The following LRBA variants were observed in gnomAD, a reference collection of about 807,000 sequenced individuals.
LRBA encodes the protein LPS responsive beige-like anchor protein, also known as lipopolysaccharide-responsive and beige-like anchor protein.
Under a neutral mutation model 330.0 loss-of-function variants are expected in LRBA, and 176 were observed. That is an observed-to-expected ratio of 0.53 (90% CI 0.47 to 0.60). LRBA has a LOEUF of 0.60. Ranked by LOEUF, LRBA falls within the 20% of genes least tolerant of loss-of-function variation. The pLI is 0.00. For synonymous variants in LRBA, 1,230 were observed against 1,193.0 expected (o/e 1.03, Z -0.64); for missense variants, 3,259 against 3,444.8 (o/e 0.95, Z 1.35).
intron 37 of LRBA, among the ~76,000 whole-genome samples, chr4:150,669,223 TAA>T (rs1234148836): frequency 1.3e-5 from 2 of 152,224 alleles, no homozygotes; most frequent in African/African-American, 2.4e-5. Context: ...GACAATTTTA[TAA>T]GTTACAAATA....
chr4:150,910,469 C>G (rs1012480556), intron 9 of LRBA, among the ~76,000 whole-genome samples: 2 of 152,136 alleles, frequency 1.3e-5, no homozygotes, highest in African/African-American at 4.8e-5. Context: ...TGTCAAAGAT[C>G]ATTTGACCGT....
At chr4:150,414,521 C>A (rs1197796863) in intron 47 of LRBA, among the ~76,000 whole-genome samples, 1 of 151,962 alleles carries the variant, frequency 6.6e-6, no homozygotes, top group Non-Finnish European at 1.5e-5. Context: ...GACAGAGTTT[C>A]ACTGTGTCAC....
At chr4:150,992,715 C>A (rs1742231773) in intron 2 of LRBA, among the ~76,000 whole-genome samples, 1 of 152,040 alleles carries the variant, frequency 6.6e-6, no homozygotes, top group Non-Finnish European at 1.5e-5. Context: ...GAAATTTCTG[C>A]AAAGAACAAG....
chr4:150,744,426 G>A (rs1732420369), intron 35 of LRBA, among the ~76,000 whole-genome samples: 1 of 152,016 alleles, frequency 6.6e-6, no homozygotes, highest in Non-Finnish European at 1.5e-5. Context: ...AATAAGTCTT[G>A]TCAATATTTC....
At chr4:150,444,331 T>A (rs1283055593) in intron 44 of LRBA, among the ~76,000 whole-genome samples, 1 of 152,128 alleles carries the variant, frequency 6.6e-6, no homozygotes, top group Non-Finnish European at 1.5e-5. Context: ...TGATTCCCAG[T>A]GTCTCCATCA....
chr4:150,964,157 G>A (rs550002392), intron 2 of LRBA, among the ~76,000 whole-genome samples: 10 of 148,452 alleles, frequency 6.7e-5, no homozygotes, highest in South Asian at 2.1e-4. Context: ...CAGCTGCCCC[G>A]TCTGGGAGGT....
intron 37 of LRBA, among the ~76,000 whole-genome samples, chr4:150,678,455 A>G (rs1247030871): frequency 6.6e-6 from 1 of 152,160 alleles, no homozygotes; most frequent in Non-Finnish European, 1.5e-5. Flanking sequence ...CTTACTAGAA[A>G]AATGAGCATA....
At chr4:150,779,627 C>T (rs1311908175) in intron 34 of LRBA, among the ~76,000 whole-genome samples, 1 of 151,796 alleles carries the variant, frequency 6.6e-6, no homozygotes, top group Non-Finnish European at 1.5e-5. Context: ...CTTTTTAACT[C>T]GAGAGAAAAT....
At chr4:150,903,177 T>A (rs1460427986) in intron 13 of LRBA, among the ~76,000 whole-genome samples, 1 of 152,016 alleles carries the variant, frequency 6.6e-6, no homozygotes, top group African/African-American at 2.4e-5. Flanking sequence ...AGGCCGGAAG[T>A]TCGAGACCAG....
At chr4:150,270,069 T>C (rs546803409) in intron 56 of LRBA, among the ~76,000 whole-genome samples, 4 of 152,276 alleles carry the variant, frequency 2.6e-5, no homozygotes, top group African/African-American at 9.6e-5. Flanking sequence ...TTAGGACAAC[T>C]GTTAAAAAAT....
At chr4:150,765,213 A>C (rs1735605053) in intron 34 of LRBA, among the ~76,000 whole-genome samples, 1 of 152,078 alleles carries the variant, frequency 6.6e-6, no homozygotes, top group Non-Finnish European at 1.5e-5. Context: ...ATTTTGGAAA[A>C]GGCAAAACTA....
intron 40 of LRBA, among the ~76,000 whole-genome samples, chr4:150,507,915 A>G (rs1581528352): frequency 6.6e-6 from 1 of 152,124 alleles, no homozygotes; most frequent in Non-Finnish European, 1.5e-5. Context: ...TGATGAGTTC[A>G]TGTCCTTTGT....
intron 28 of LRBA, among the ~76,000 whole-genome samples, chr4:150,838,732 G>A (rs914127755): frequency 1.3e-5 from 2 of 152,090 alleles, no homozygotes; most frequent in African/African-American, 4.8e-5. Context: ...TTTTGGATGG[G>A]TTCAAACTTC....
chr4:150,625,734 G>A (rs1169265354), intron 37 of LRBA, among the ~76,000 whole-genome samples: 2 of 149,548 alleles, frequency 1.3e-5, no homozygotes, highest in Non-Finnish European at 3.0e-5. Context: ...TTTTGAGACA[G>A]TTTCGCTCTT....
intron 50 of LRBA, among the ~76,000 whole-genome samples, chr4:150,318,126 A>T (rs1731967532): frequency 1.3e-5 from 2 of 152,004 alleles, no homozygotes; most frequent in South Asian, 4.2e-4. Context: ...AGGTTTTCTC[A>T]CTCGGATTTT....
Position 150,350,071 on chromosome 4 carries a change from C to T in LRBA, c.7283G>A (p.Arg2428Gln), listed in dbSNP as rs139563734. Reference sequence around the variant, plus strand: ...CAAGTAATAGAACACATTGAGGGCTCGGACAGCTTCTGGTCCTTGCTGTTT... The same window carrying T: ...CAAGTAATAGAACACATTGAGGGCTTGGACAGCTTCTGGTCCTTGCTGTTT... ...GYKQQGPEAV[R>Q]ALNVFYYLTY... Residue 2428 changes from arginine to glutamine, a missense_variant, in exon 48 of 57, where the codon CGA (arginine) becomes CAA (glutamine). Transcript: ENST00000651943. The T allele has an allele frequency of 1.2e-5, 19 of 1,612,686 alleles. No homozygotes were observed. The highest frequency in any genetic ancestry group is 4.5e-5 in the East Asian group (2 of 44,792).
chr4:150,471,156 C>G (rs748580562), intron 43 of LRBA, among the ~76,000 whole-genome samples: 25 of 152,254 alleles, frequency 1.6e-4, no homozygotes, highest in South Asian at 8.3e-4. Flanking sequence ...GATATACAAA[C>G]TATACCATTC....
intron 36 of LRBA, among the ~76,000 whole-genome samples, chr4:150,714,390 G>A (rs1471105355): frequency 6.6e-6 from 1 of 151,826 alleles, no homozygotes; most frequent in African/African-American, 2.4e-5. Flanking sequence ...TAGTTTTAAC[G>A]ATGTTTACAA....
chr4:150,305,860 ACTC>A (rs1730294476), intron 52 of LRBA, among the ~76,000 whole-genome samples: 1 of 151,968 alleles, frequency 6.6e-6, no homozygotes, highest in Non-Finnish European at 1.5e-5. Flanking sequence ...GTTGAGGTTC[ACTC>A]CTCCTAAATA....
Sources: gnomAD v4.1 joint callset for allele counts (sites outside exome capture counted in the v4.1 genomes callset) on GRCh38, gnomAD v4.1.1 for gene constraint, MANE v1.5 for transcripts, NCBI Gene and HGNC (gene_info 2026-07-23, HGNC 2026-07-21) for gene names.